Variants in PRKCG observed in about 807,000 individuals in gnomAD.
PRKCG encodes the protein protein kinase C gamma, also known as protein kinase C gamma type.
In PRKCG, 28 loss-of-function variants were observed where a neutral mutation model predicts 82.0. That is an observed-to-expected ratio of 0.34 (90% CI 0.25 to 0.47). PRKCG has a LOEUF of 0.47. Among genes scored for constraint, PRKCG ranks in the 20% least tolerant of loss-of-function variants. PRKCG has a pLI of 1.00. For synonymous variants in PRKCG, 383 were observed against 376.6 expected, an observed-to-expected ratio of 1.02 and a Z score of -0.20; for missense variants, 640 against 952.7, an observed-to-expected ratio of 0.67 and a Z score of 4.32.
intron 16 of PRKCG, among the ~76,000 whole-genome samples, chr19:53,905,848 G>A (rs1374725987): frequency 7.1e-6 from 1 of 140,234 alleles, no homozygotes; most frequent in Non-Finnish European, 1.5e-5. Flanking sequence ...GTTTCTCTGT[G>A]TGTCCCTGGG....
Position 53,882,937 on chromosome 19 carries a change from G to A in PRKCG, c.171-226G>A, listed in dbSNP as rs2068604023. Among the ~76,000 whole-genome samples, 1 of 151,958 alleles carries A rather than the reference G, an allele frequency of 6.6e-6. No individual in the cohort carries two copies. Reference sequence around the variant, plus strand: ...GAAGGGCCTGGGGGGCTGGGAGCCTGGATTCCTGGGTCTGAAGGAGGAAGA... The same window carrying A: ...GAAGGGCCTGGGGGGCTGGGAGCCTAGATTCCTGGGTCTGAAGGAGGAAGA... On this transcript the variant is annotated intron_variant, in intron 1 of 17. Coordinates refer to ENST00000263431, the MANE Select transcript of PRKCG (RefSeq NM_002739.5). This position sits in a 1 kb window ranked among gnomAD's most constrained non-coding sequence, Gnocchi z 6.1.
intron 16 of PRKCG, 69 bp from the exon 17 acceptor site, chr19:53,906,248 C>G (rs939112747): frequency 8.4e-6 from 13 of 1,545,042 alleles, no homozygotes; most frequent in Middle Eastern, 1.7e-4. Flanking sequence ...CTCTGTCCCT[C>G]TTTCTCTGGG....
At chr19:53,887,856 A>G (rs1238936084) in intron 3 of PRKCG, among the ~76,000 whole-genome samples, 1 of 150,872 alleles carries the variant, frequency 6.6e-6, no homozygotes, top group Non-Finnish European at 1.5e-5. Context: ...AAAAAGTAAC[A>G]TGGATCAAGA....
intron 10 of PRKCG, 44 bp downstream of exon 10, chr19:53,898,155 G>C (rs1391619605): frequency 6.2e-7 from 1 of 1,606,538 alleles, no homozygotes; most frequent in Admixed American, 1.7e-5. Flanking sequence ...ATGTCTGTGG[G>C]AAGGTCAGAT....
intron 16 of PRKCG, 51 bp downstream of exon 16, chr19:53,904,793 A>G: frequency 1.4e-6 from 2 of 1,436,214 alleles, no homozygotes; most frequent in Non-Finnish European, 1.9e-6. Flanking sequence ...CACACACCCC[A>G]TTGCTGTCTC....
Position 53,900,861 on chromosome 19 carries a change from G to T in PRKCG, c.1575+112G>T. ...TGACCCTCAGACCTTGTCATGAGTTGTGGCCTTCTTACACAGCCAGTCGTT... is the reference window on the plus strand; with the variant it reads ...TGACCCTCAGACCTTGTCATGAGTTTTGGCCTTCTTACACAGCCAGTCGTT... On this transcript the variant is annotated intron_variant, in intron 14 of 17. Coordinates refer to ENST00000263431, the MANE Select transcript of PRKCG (RefSeq NM_002739.5). This position sits in a 1 kb window ranked among gnomAD's most constrained non-coding sequence, Gnocchi z 4.2. 6.4e-7 allele frequency: 1 copy of T among 1,557,382 alleles called. No individual in the cohort carries two copies.
At position 53,898,527 on chromosome 19, in the gene PRKCG, G is replaced by T. The variant is rs773655248; in HGVS notation, c.1180G>T (p.Asp394Tyr). ...KDVIVQDDDVDCTLVEKRVLA... is the reference protein window; with the variant it reads ...KDVIVQDDDVYCTLVEKRVLA... ...CGTGATCGTCCAGGACGACGATGTG[G>T]ACTGCACGCTGGTGGAGAAACGTGT... The change falls in exon 11 of 18, where the codon GAC becomes TAC. Residue 394 changes from aspartate to tyrosine, a missense_variant. Asp to Tyr is a radical substitution (Grantham distance 160). Around this residue, in one of 7 missense-constraint regions of PRKCG, gnomAD observed 22 missense variants for 59.0 expected, o/e 0.37. Coordinates refer to ENST00000263431, the MANE Select transcript of PRKCG (RefSeq NM_002739.5). 1 of 1,613,878 alleles carries T rather than the reference G, an allele frequency of 6.2e-7. No homozygotes were observed. Among genetic ancestry groups the T allele is most frequent in the Non-Finnish European group, 8.5e-7 (1 of 1,180,024 alleles).
chr19:53,898,036 C>CG lies in PRKCG; in HGVS notation c.1021dup (p.Ala341GlyfsTer34). On this transcript the variant is annotated frameshift_variant, in exon 10 of 18. Coordinates refer to ENST00000263431, the MANE Select transcript of PRKCG (RefSeq NM_002739.5). LOFTEE classifies it high-confidence loss of function. Reference sequence around the variant, plus strand: ...CCACCGACCCCAAGCGCTGCTTCTTCGGGGCGAGTCCAGGACGCCTGCACA... The same window carrying CG: ...CCACCGACCCCAAGCGCTGCTTCTTCGGGGGCGAGTCCAGGACGCCTGCACA... 6.2e-7 allele frequency: 1 copy of CG among 1,614,122 alleles called. No homozygotes were observed. The highest frequency in any genetic ancestry group is 1.7e-5 in the Admixed American group (1 of 60,008).
At chr19:53,905,794 C>T (rs1460427908) in intron 16 of PRKCG, among the ~76,000 whole-genome samples, 4 of 138,228 alleles carry the variant, frequency 2.9e-5, no homozygotes, top group Non-Finnish European at 6.2e-5. Context: ...CTCCCCCTAC[C>T]CCTTTTCCCT....
Position 53,889,988 on chromosome 19 carries a change from C to T in PRKCG, c.500C>T (p.Ala167Val), listed in dbSNP as rs557782511. Residue 167 changes from alanine (A) to valine (V), a missense_variant, in exon 5 of 18, where the codon GCT (alanine) becomes GTT (valine). By Grantham distance (64) the Ala-to-Val change is moderately conservative. This residue lies in a region of PRKCG where 261 missense variants were observed against 312.1 expected (regional missense o/e 0.84). Coordinates refer to ENST00000263431, the MANE Select transcript of PRKCG (RefSeq NM_002739.5). This position sits in a 1 kb window ranked among gnomAD's most constrained non-coding sequence, Gnocchi z 4.4. ...RRGRLQLEIRAPTADEIHVTV... is the reference protein window; with the variant it reads ...RRGRLQLEIRVPTADEIHVTV... The stretch of plus-strand genomic sequence containing the variant: ...GGGCGCCTGCAGCTGGAGATCCGGG[C>T]TCCCACAGCAGATGAGATCCACGTA... The T allele has an allele frequency of 4.5e-6, 7 of 1,570,560 alleles. No individual in the cohort carries two copies. Among genetic ancestry groups the T allele is most frequent in the Non-Finnish European group, 6.0e-6 (7 of 1,159,946 alleles).
At position 53,892,646 on chromosome 19, in the gene PRKCG, G is replaced by A. The variant is rs2068685835; in HGVS notation, c.821+3G>A. ...CTCAAGGCGCCCGTGGATGGCTGGT[G>A]AGGAGCAGGGCTGGGGCCTGGGGAT... On this transcript the variant is annotated splice_donor_region_variant and intron_variant, in intron 7 of 17. Transcript: ENST00000263431. The surrounding 1 kb of genome is among the most constrained non-coding windows in gnomAD (Gnocchi z 5.9). 1 of 1,610,454 alleles carries A rather than the reference G, an allele frequency of 6.2e-7. No homozygotes were observed. The highest frequency in any genetic ancestry group is 1.7e-5 in the Admixed American group (1 of 59,978).
intron 16 of PRKCG, among the ~76,000 whole-genome samples, 193 bp from the exon 17 acceptor site, chr19:53,906,124 T>TTCTTCTTCTTCTTCTTC (rs1568764147): frequency 2.8e-5 from 2 of 70,636 alleles, no homozygotes; most frequent in African/African-American, 2.3e-4. Context: ...TCTTCTTTTC[T>TTCTTCTTCTTCTTCTTC]TCTCTCTCTC....
intron 3 of PRKCG, among the ~76,000 whole-genome samples, chr19:53,885,168 C>T (rs928752951): frequency 6.6e-6 from 1 of 152,140 alleles, no homozygotes; most frequent in Non-Finnish European, 1.5e-5. Flanking sequence ...TGAAACAGGG[C>T]GACTGTGGCT....
At chr19:53,885,229 T>A (rs2068622748) in intron 3 of PRKCG, among the ~76,000 whole-genome samples, 1 of 152,142 alleles carries the variant, frequency 6.6e-6, no homozygotes, top group African/African-American at 2.4e-5. Flanking sequence ...AAATTTTTTT[T>A]TTTTATTTTT....
Position 53,892,362 on chromosome 19 carries a change from G to T in PRKCG, c.687-147G>T, listed in dbSNP as rs10420358. On this transcript the variant is annotated intron_variant, in intron 6 of 17. Transcript: ENST00000263431. This position sits in a 1 kb window ranked among gnomAD's most constrained non-coding sequence, Gnocchi z 5.9. ...AAAGCCCTAGCTGGAGAGAGAGCCC[G>T]GCTGGGAAGGTCAGAGGTCGGAGAC... is the stretch of plus-strand genomic sequence containing the variant. 3.2e-6 allele frequency: 4 copies of T among 1,244,188 alleles called. No individual in the cohort carries two copies. Among genetic ancestry groups the T allele is most frequent in the East Asian group, 2.5e-5 (1 of 39,264 alleles). 77.1% of individuals were successfully genotyped at this position (1,244,188 alleles called of 1,614,324 possible).
chr19:53,884,111 G>C lies in PRKCG; in HGVS notation c.203-50G>C. 1.3e-6 allele frequency: 2 copies of C among 1,583,094 alleles called. No individual in the cohort carries two copies. Among genetic ancestry groups the C allele is most frequent in the South Asian group, 1.1e-5 (1 of 90,456 alleles). ...AATTTTCTGTCTGCTGGGGTCTCCC[G>C]CTGGACTAATCCATGCCTCCGTCTG... On this transcript the variant is annotated intron_variant, in intron 2 of 17. Coordinates refer to ENST00000263431, the MANE Select transcript of PRKCG (RefSeq NM_002739.5). This position sits in a 1 kb window ranked among gnomAD's most constrained non-coding sequence, Gnocchi z 4.6.
chr19:53,903,839 T>C (rs2068782292), intron 15 of PRKCG, among the ~76,000 whole-genome samples: 1 of 152,260 alleles, frequency 6.6e-6, no homozygotes, highest in African/African-American at 2.4e-5. Flanking sequence ...AAATTCAATG[T>C]ATACAGTTGT....
chr19:53,904,147 G>T (rs1305172675), intron 15 of PRKCG, among the ~76,000 whole-genome samples: 1 of 151,944 alleles, frequency 6.6e-6, no homozygotes, highest in South Asian at 2.1e-4. Context: ...TGTAATCCAA[G>T]CACTTTGGGA....
At position 53,884,078 on chromosome 19, in the gene PRKCG, C is replaced by T; in HGVS notation, c.203-83C>T. ...TTTCTCAGTGTCCGAGTTCCGCTCT[C>T]TCTTTCCAATTTTCTGTCTGCTGGG... On this transcript the variant is annotated intron_variant, in intron 2 of 17. Coordinates refer to ENST00000263431, the MANE Select transcript of PRKCG (RefSeq NM_002739.5). The surrounding 1 kb of genome is among the most constrained non-coding windows in gnomAD (Gnocchi z 4.6). 7.3e-7 allele frequency: 1 copy of T among 1,374,146 alleles called. No individual in the cohort carries two copies. The highest frequency in any genetic ancestry group is 2.3e-5 in the East Asian group (1 of 43,738). 85.1% of individuals were successfully genotyped at this position (1,374,146 alleles called of 1,614,324 possible). A position where few individuals can be genotyped will look rare whatever the true frequency, so the allele number is the denominator to read the frequency against.
Sources: allele counts gnomAD v4.1 joint callset (sites outside exome capture counted in the v4.1 genomes callset), GRCh38; gene constraint gnomAD v4.1.1; regional missense constraint gnomAD v4.1.1; non-coding constraint Gnocchi (gnomAD v3.1); transcripts MANE v1.5; gene names NCBI Gene and HGNC (gene_info 2026-07-23, HGNC 2026-07-21).